Variants in CFAP44 observed in about 807,000 individuals in gnomAD.
CFAP44 encodes cilia and flagella associated protein 44, also known as cilia- and flagella-associated protein 44.
In CFAP44, 134 loss-of-function variants were observed where a neutral mutation model predicts 216.2. The observed-to-expected ratio is 0.62, with a 90% confidence interval of 0.54 to 0.72. The LOEUF is 0.72. Ranked by LOEUF, CFAP44 falls within the 30% of genes least tolerant of loss-of-function variation. The pLI, the probability that CFAP44 is intolerant of heterozygous loss-of-function variation, is 0.00. For synonymous variants in CFAP44, 700 were observed against 727.6 expected (o/e 0.96, Z 0.61); for missense variants, 2,035 against 2,182.1 (o/e 0.93, Z 1.34).
chr3:113,329,618 A>G (rs1950222861), intron 26 of CFAP44, among the ~76,000 whole-genome samples: 1 of 152,194 alleles, frequency 6.6e-6, no homozygotes, highest in African/African-American at 2.4e-5. Flanking sequence ...TATTCAAAGA[A>G]CATCCTGCCC....
At chr3:113,302,457 T>TAAAAAAAAAAAAAAAAAAAAAAAAAA (rs60866565) in intron 32 of CFAP44, among the ~76,000 whole-genome samples, 21 of 75,790 alleles carry the variant, frequency 2.8e-4, no homozygotes, top group African/African-American at 4.3e-4. Flanking sequence ...CTAGACAAAG[T>TAAAAAAAAAAAAAAAAAAAAAAAAAA]AAAAAAAAAA....
chr3:113,338,100 T>TA (rs531310144), intron 24 of CFAP44, among the ~76,000 whole-genome samples: 101 of 146,230 alleles, frequency 6.9e-4, no homozygotes, highest in African/African-American at 1.2e-3. Flanking sequence ...CTGTCTCTAC[T>TA]AAAAAAAAAA....
At chr3:113,399,574 A>G (rs1423954922) in intron 13 of CFAP44, among the ~76,000 whole-genome samples, 1 of 152,152 alleles carries the variant, frequency 6.6e-6, no homozygotes, top group East Asian at 1.9e-4. Flanking sequence ...GGCCTGGCAC[A>G]TTGTCGGCAC....
At chr3:113,330,095 CA>C in intron 26 of CFAP44, 72 bp downstream of exon 26, 1 of 1,437,472 alleles carries the variant, frequency 7.0e-7, no homozygotes, top group Non-Finnish European at 9.1e-7. Context: ...AATAAATAAA[CA>C]AAAAACCCGA....
intron 32 of CFAP44, among the ~76,000 whole-genome samples, 174 bp downstream of exon 32, chr3:113,303,742 C>T (rs970216515): frequency 6.6e-6 from 1 of 152,146 alleles, no homozygotes; most frequent in East Asian, 1.9e-4. Context: ...GGAAAGCGAG[C>T]TTTTCATGGC....
At chr3:113,397,889 T>C (rs555041373) in intron 13 of CFAP44, among the ~76,000 whole-genome samples, 4 of 152,118 alleles carry the variant, frequency 2.6e-5, no homozygotes, top group Non-Finnish European at 5.9e-5. Flanking sequence ...AAACACGGAG[T>C]TCGAGGTCCC....
chr3:113,401,678 A>G lies in CFAP44; in HGVS notation c.1232T>C (p.Ile411Thr), dbSNP rs756312526. 7 of 1,613,612 alleles carry G rather than the reference A, an allele frequency of 4.3e-6. No individual in the cohort carries two copies. In the Admixed American group the frequency reaches 6.7e-5, roughly 15 times the overall value. Residue 411 changes from isoleucine to threonine, a missense_variant, in exon 10 of 35, where the codon ATT becomes ACT. Around this residue, in one of 3 missense-constraint regions of CFAP44, gnomAD observed 1,883 missense variants for 2,023.7 expected, o/e 0.93. Transcript: ENST00000393845. ...TACTTGAAGTTCATTAATAGGCTCA[A>G]TCTCCAACAATCCAGTCTCATCTAT... ...DVIDETGLLE[I>T]EPINELQVDK...
intron 8 of CFAP44, among the ~76,000 whole-genome samples, chr3:113,404,831 A>C (rs536691252): frequency 6.6e-6 from 1 of 152,294 alleles, no homozygotes; most frequent in African/African-American, 2.4e-5. Flanking sequence ...TAACTTGCCC[A>C]AAACTACCCA....
At chr3:113,293,478 G>A (rs1949850423) in intron 34 of CFAP44, among the ~76,000 whole-genome samples, 1 of 152,194 alleles carries the variant, frequency 6.6e-6, no homozygotes. Context: ...GGCCATACAT[G>A]TAAACATATA....
intron 8 of CFAP44, among the ~76,000 whole-genome samples, chr3:113,404,405 C>T (rs979943469): frequency 8.7e-4 from 133 of 152,244 alleles, no homozygotes; most frequent in African/African-American, 2.7e-3. Flanking sequence ...AAGGCCAGTA[C>T]TGAATTAAGT....
intron 5 of CFAP44, among the ~76,000 whole-genome samples, chr3:113,418,542 T>C (rs1934713954): frequency 6.6e-6 from 1 of 152,182 alleles, no homozygotes; most frequent in Non-Finnish European, 1.5e-5. Context: ...CATAACTGGA[T>C]AACTGTTTCA....
At chr3:113,369,280 A>C (rs1933067992) in intron 18 of CFAP44, among the ~76,000 whole-genome samples, 1 of 152,182 alleles carries the variant, frequency 6.6e-6, no homozygotes. Context: ...CAGAATATAC[A>C]TTCTTCTCAG....
At chr3:113,294,977 G>A (rs1180445785) in intron 33 of CFAP44, among the ~76,000 whole-genome samples, 156 bp from the exon 34 acceptor site, 3 of 132,990 alleles carry the variant, frequency 2.3e-5, no homozygotes, top group Non-Finnish European at 4.9e-5. Flanking sequence ...AACACAAAGT[G>A]CATTGGGTCT....
At chr3:113,302,194 T>C (rs998793379) in intron 32 of CFAP44, among the ~76,000 whole-genome samples, 3 of 152,110 alleles carry the variant, frequency 2.0e-5, no homozygotes, top group African/African-American at 7.2e-5. Flanking sequence ...TTAGGTTGAT[T>C]CCGTGTCTTG....
intron 1 of CFAP44, among the ~76,000 whole-genome samples, chr3:113,440,799 C>T (rs1935343165): frequency 6.6e-6 from 1 of 152,174 alleles, no homozygotes; most frequent in Non-Finnish European, 1.5e-5. Context: ...CTTATTGCAG[C>T]CCAGCTACAG....
chr3:113,334,763 A>T (rs1950268373), intron 24 of CFAP44, among the ~76,000 whole-genome samples: 1 of 152,364 alleles, frequency 6.6e-6, no homozygotes, highest in African/African-American at 2.4e-5. Context: ...AAATTGAAGA[A>T]TTACTCTCTA....
At chr3:113,433,536 T>C (rs1220122169) in intron 2 of CFAP44, 29 bp downstream of exon 2, 5 of 1,487,068 alleles carry the variant, frequency 3.4e-6, no homozygotes, top group South Asian at 1.2e-5. Flanking sequence ...TTTAATACTT[T>C]TAAAAGTATA....
At chr3:113,361,738 T>A (rs1177637267) in intron 21 of CFAP44, among the ~76,000 whole-genome samples, 1 of 151,906 alleles carries the variant, frequency 6.6e-6, no homozygotes, top group Non-Finnish European at 1.5e-5. Context: ...GACCTCATGA[T>A]CCGCCCGCCT....
At chr3:113,423,494 A>T (rs1934877707) in intron 4 of CFAP44, among the ~76,000 whole-genome samples, 1 of 151,992 alleles carries the variant, frequency 6.6e-6, no homozygotes, top group Non-Finnish European at 1.5e-5. Flanking sequence ...TAGAGTTCTG[A>T]AAATCTTAAA....
Sources: gnomAD v4.1 joint callset for allele counts (sites outside exome capture counted in the v4.1 genomes callset) on GRCh38, gnomAD v4.1.1 for gene constraint, gnomAD v4.1.1 regional missense constraint, MANE v1.5 for transcripts, NCBI Gene and HGNC (gene_info 2026-07-23, HGNC 2026-07-21) for gene names.